The following ASIC2 variants were observed in gnomAD, a reference collection of about 807,000 sequenced individuals.
The protein encoded by ASIC2 is acid-sensing ion channel 2.
ASIC2 carries 25 observed loss-of-function variants against 57.3 expected under a neutral mutation model. The observed-to-expected ratio is 0.44, with a 90% CI of 0.32 to 0.61. ASIC2 has a LOEUF of 0.61. Among genes scored for constraint, ASIC2 ranks in the 20% least tolerant of loss-of-function variants. The pLI, the probability that ASIC2 is intolerant of heterozygous loss-of-function variation, is 0.06. For missense variants in ASIC2, 641 were observed against 738.1 expected (o/e 0.87, Z 1.52); for synonymous variants, 319 against 307.5 (o/e 1.04, Z -0.39).
chr17:33,730,839 T>G (rs1909717711), intron 1 of ASIC2, among the ~76,000 whole-genome samples: 1 of 152,200 alleles, frequency 6.6e-6, no homozygotes, highest in Non-Finnish European at 1.5e-5. Flanking sequence ...TTAAGAAATG[T>G]GGACCAAATA....
At chr17:33,213,495 C>G (rs1158163569) in intron 1 of ASIC2, among the ~76,000 whole-genome samples, 2 of 152,184 alleles carry the variant, frequency 1.3e-5, no homozygotes, top group African/African-American at 2.4e-5. Context: ...AATGATGAGA[C>G]AAGGCCTGGG....
At chr17:34,030,160 G>C (rs962221815) in intron 1 of ASIC2, among the ~76,000 whole-genome samples, 4 of 152,178 alleles carry the variant, frequency 2.6e-5, no homozygotes, top group Middle Eastern at 3.2e-3. Context: ...AGGGTTTCTA[G>C]TGAATGTGTT....
chr17:33,266,296 C>T lies in ASIC2; in HGVS notation c.708+25112G>A, dbSNP rs570665511. Among the ~76,000 whole-genome samples, 13 of 152,316 alleles carry T rather than the reference C, an allele frequency of 8.5e-5. No homozygotes were observed. In the South Asian group the frequency reaches 2.5e-3, roughly 29 times the overall value. On this transcript the variant is annotated intron_variant, in intron 1 of 9. Coordinates refer to ENST00000225823, the MANE Select transcript of ASIC2 (RefSeq NM_183377.2). ...CAGCAACTGCTGTGACGATCTTCTTCCCTGCCATATCCACAGCACCAAGAG... is the reference window on the plus strand; with the variant it reads ...CAGCAACTGCTGTGACGATCTTCTTTCCTGCCATATCCACAGCACCAAGAG...
intron 1 of ASIC2, among the ~76,000 whole-genome samples, chr17:33,997,307 ATTTTTTTTTTTTT>A (rs71147411): frequency 1.2e-4 from 10 of 85,766 alleles, no homozygotes; most frequent in Non-Finnish European, 1.9e-4. Flanking sequence ...TGCACGGTTA[ATTTTTTTTTTTTT>A]TTTTTTTTTT....
chr17:33,408,411 G>A lies in ASIC2; in HGVS notation c.556-296344C>T, dbSNP rs1000833292. 2.0e-5 allele frequency among the ~76,000 whole-genome samples: 3 copies of A among 152,192 alleles called. No individual in the cohort carries two copies. In the East Asian group the frequency reaches 5.8e-4, roughly 29 times the overall value. On this transcript the variant is annotated intron_variant, in intron 1 of 9. Coordinates refer to the ASIC2 transcript ENST00000359872. Reference sequence around the variant, plus strand: ...GCAGGATACTTCAGTACAATGTAGTGAAAAGAGGCCAGACGTGGGTGTGAA... The same window carrying A: ...GCAGGATACTTCAGTACAATGTAGTAAAAAGAGGCCAGACGTGGGTGTGAA...
chr17:33,359,925 C>T (rs1908532756), intron 1 of ASIC2, among the ~76,000 whole-genome samples: 1 of 152,202 alleles, frequency 6.6e-6, no homozygotes, highest in Non-Finnish European at 1.5e-5. Context: ...GTTTGCTTGT[C>T]TCCAGACTTC....
intron 1 of ASIC2, among the ~76,000 whole-genome samples, chr17:33,616,256 G>T (rs1267601134): frequency 6.7e-6 from 1 of 149,770 alleles, no homozygotes; most frequent in African/African-American, 2.4e-5. Context: ...AAGTATTTGG[G>T]GGTGGGTGGG....
chr17:33,129,586 G>T (rs1240517211), intron 1 of ASIC2, among the ~76,000 whole-genome samples: 1 of 152,232 alleles, frequency 6.6e-6, no homozygotes, highest in Non-Finnish European at 1.5e-5. Flanking sequence ...TAATAATGGT[G>T]TGGGTTACAA....
At chr17:33,033,346 T>C (rs1473803216) in intron 3 of ASIC2, among the ~76,000 whole-genome samples, 1 of 152,190 alleles carries the variant, frequency 6.6e-6, no homozygotes. Context: ...AGGATCTGCC[T>C]TCCTGGGGGT....
In ASIC2 at chr17:34,156,572, C is replaced by G. The variant is rs553450722; in HGVS notation, c.-40G>C. The G allele has an allele frequency of 2.0e-6, 3 of 1,532,936 alleles. No individual in the cohort carries two copies. The African/African-American group carries it at 4.1e-5, about 21-fold the overall frequency. The allele number at this position is 1,532,936 out of a possible 1,614,324, so 95.0% of individuals were successfully genotyped here. Reference sequence around the variant, plus strand: ...GTTCCGCAACTGGCTTCAGGTTGATCGAATTTCAGAGAAGAGCTCCCAGTC... The same window carrying G: ...GTTCCGCAACTGGCTTCAGGTTGATGGAATTTCAGAGAAGAGCTCCCAGTC... On this transcript the variant is annotated 5_prime_UTR_variant, in exon 1 of 10. Transcript: ENST00000359872. The surrounding 1 kb of genome is among the most constrained non-coding windows in gnomAD (Gnocchi z 4.4).
intron 1 of ASIC2, among the ~76,000 whole-genome samples, chr17:33,990,283 C>T (rs1905959520): frequency 6.6e-6 from 1 of 152,126 alleles, no homozygotes; most frequent in Non-Finnish European, 1.5e-5. Context: ...AAAGGGAAAA[C>T]AGATACAGGG....
intron 1 of ASIC2, among the ~76,000 whole-genome samples, chr17:33,474,374 G>A (rs946131934): frequency 2.0e-5 from 3 of 151,840 alleles, no homozygotes; most frequent in African/African-American, 2.4e-5. Context: ...GCATCCCCCC[G>A]CCAAAGAAAA....
chr17:33,220,048 T>C (rs1907634703), intron 1 of ASIC2, among the ~76,000 whole-genome samples: 1 of 152,172 alleles, frequency 6.6e-6, no homozygotes, highest in African/African-American at 2.4e-5. Context: ...AGGAACACCA[T>C]TTTCTTGACT....
At chr17:33,297,823 A>AAAATAAATAAATAAAT (rs200008797), upstream of ASIC2, among the ~76,000 whole-genome samples, 2 of 141,526 alleles carry the variant, frequency 1.4e-5, no homozygotes, top group East Asian at 2.1e-4. Context: ...ACCCTGTCTC[A>AAAATAAATAAATAAAT]AAATAAATAA....
chr17:33,620,984 C>T (rs1905774807), intron 1 of ASIC2, among the ~76,000 whole-genome samples: 3 of 152,094 alleles, frequency 2.0e-5, no homozygotes, highest in African/African-American at 7.2e-5. Flanking sequence ...TATCCTGTCT[C>T]AGGGTCTTAT....
intron 1 of ASIC2, among the ~76,000 whole-genome samples, chr17:33,888,373 G>C (rs1170161808): frequency 6.6e-6 from 1 of 152,152 alleles, no homozygotes; most frequent in Non-Finnish European, 1.5e-5. Context: ...TCAGAGGTAG[G>C]AGCGAGTGGT....
intron 1 of ASIC2, among the ~76,000 whole-genome samples, chr17:34,018,969 G>A (rs1228786820): frequency 5.3e-5 from 8 of 151,920 alleles, no homozygotes; most frequent in East Asian, 3.9e-4. Flanking sequence ...GTGCAGTGGC[G>A]CGATCTTGGC....
chr17:33,977,264 AG>A lies in ASIC2; in HGVS notation c.555+178713del, dbSNP rs1452084073. ...AGCAATGGATATTGATGATGGATAC[AG>A]GGGGCTGACCACAGGGGTAGTTGGA... On this transcript the variant is annotated intron_variant, in intron 1 of 9. Transcript: ENST00000359872. Among the ~76,000 whole-genome samples, 3 of 152,308 alleles carry A rather than the reference AG, an allele frequency of 2.0e-5. No individual in the cohort carries two copies. The East Asian group carries it at 5.8e-4, about 29-fold the overall frequency.
At chr17:33,068,528 T>TCAAAACAAAACAAAACAAAACAAAA (rs59094832) in intron 3 of ASIC2, among the ~76,000 whole-genome samples, 4 of 149,436 alleles carry the variant, frequency 2.7e-5, no homozygotes, top group East Asian at 2.0e-4. Context: ...AAACTCCATC[T>TCAAAACAAAACAAAACAAAACAAAA]CAAAACAAAA....
Sources: allele counts gnomAD v4.1 joint callset (sites outside exome capture counted in the v4.1 genomes callset), GRCh38; gene constraint gnomAD v4.1.1; non-coding constraint Gnocchi (gnomAD v3.1); transcripts MANE v1.5; gene names NCBI Gene and HGNC (gene_info 2026-07-23, HGNC 2026-07-21).